ATP8A2: variants seen among roughly 807,000 people sequenced by gnomAD.
ATP8A2 encodes the protein phospholipid-transporting ATPase IB.
ATP8A2 carries 100 observed loss-of-function variants against 165.6 expected under a neutral mutation model. That is an observed-to-expected ratio of 0.60 (90% CI 0.51 to 0.71). The LOEUF is 0.71. ATP8A2 is among the 30% of genes least tolerant of loss of function. The pLI is 0.00. For missense variants in ATP8A2, 1,227 were observed against 1,479.5 expected (o/e 0.83, Z 2.80); for synonymous variants, 543 against 548.8 (o/e 0.99, Z 0.15).
chr13:25,885,291 T>G (rs1953110183), intron 33 of ATP8A2, among the ~76,000 whole-genome samples: 1 of 151,938 alleles, frequency 6.6e-6, no homozygotes, highest in African/African-American at 2.4e-5. Flanking sequence ...TTTTGTATCA[T>G]TAGTAGAGAT....
At chr13:25,464,225 A>C (rs2035575357) in intron 1 of ATP8A2, among the ~76,000 whole-genome samples, 1 of 152,142 alleles carries the variant, frequency 6.6e-6, no homozygotes, top group Admixed American at 6.5e-5. Flanking sequence ...CTACAGGTGA[A>C]TAGGAATTTG....
At chr13:25,481,001 T>C (rs1335097490) in intron 2 of ATP8A2, among the ~76,000 whole-genome samples, 4 of 151,994 alleles carry the variant, frequency 2.6e-5, no homozygotes, top group African/African-American at 4.8e-5. Context: ...CAAAAAAATA[T>C]GAAAACCAGT....
At position 25,434,509 on chromosome 13, in the gene ATP8A2, T is replaced by G. The variant is rs1245412956; in HGVS notation, c.77-34468T>G. ...GATTACAGGCGTGTGTCACTACACC[T>G]GGCTAATTTTTGTATTTTTAGTAGA... On this transcript the variant is annotated intron_variant, in intron 1 of 36. Transcript: ENST00000381655. 5.3e-5 allele frequency among the ~76,000 whole-genome samples: 8 copies of G among 151,970 alleles called. No individual in the cohort carries two copies. In the East Asian group the frequency reaches 1.6e-3, roughly 29 times the overall value.
chr13:25,799,760 G>C (rs1300866421), intron 27 of ATP8A2, among the ~76,000 whole-genome samples: 1 of 152,316 alleles, frequency 6.6e-6, no homozygotes, highest in Middle Eastern at 3.4e-3. Context: ...AGCATTTCAA[G>C]TGCTCTTGCT....
At chr13:25,583,207 C>A (rs1000509375) in intron 23 of ATP8A2, among the ~76,000 whole-genome samples, 1 of 152,154 alleles carries the variant, frequency 6.6e-6, no homozygotes, top group African/African-American at 2.4e-5. Flanking sequence ...TGCTATATTT[C>A]TGTATAAGTA....
At chr13:25,699,887 T>C (rs772358694) in intron 25 of ATP8A2, among the ~76,000 whole-genome samples, 4 of 148,054 alleles carry the variant, frequency 2.7e-5, no homozygotes, top group Non-Finnish European at 6.0e-5. Context: ...TTACATTCCA[T>C]TGGCTGCTGG....
chr13:25,676,217 G>C (rs1361199557), intron 24 of ATP8A2, among the ~76,000 whole-genome samples: 1 of 152,166 alleles, frequency 6.6e-6, no homozygotes, highest in Admixed American at 6.5e-5. Context: ...TTTCTGACTT[G>C]ACATCATAAG....
intron 13 of ATP8A2, among the ~76,000 whole-genome samples, chr13:25,558,503 A>G (rs1046335848): frequency 6.6e-6 from 1 of 152,204 alleles, no homozygotes; most frequent in African/African-American, 2.4e-5. Flanking sequence ...TCCCTCTTCT[A>G]TACAACAGTA....
At chr13:25,891,478 A>G in intron 33 of ATP8A2, among the ~76,000 whole-genome samples, 1 of 151,990 alleles carries the variant, frequency 6.6e-6, no homozygotes, top group Non-Finnish European at 1.5e-5. Flanking sequence ...ACCCACCATC[A>G]TGCCCGCCTG....
In ATP8A2 at chr13:25,935,437, G is replaced by A. The variant is rs568100829; in HGVS notation, c.3184-26138G>A. Among the ~76,000 whole-genome samples the A allele has an allele frequency of 3.3e-5, 5 of 152,084 alleles. No individual in the cohort carries two copies. In the East Asian group the frequency reaches 7.7e-4, roughly 23 times the overall value. ...CTGATACAAAGATTCATTTTTACTT[G>A]GTGTCAGTCCATTTGCATTGCTGTA... On this transcript the variant is annotated intron_variant, in intron 33 of 36. Coordinates refer to ENST00000381655, the MANE Select transcript of ATP8A2 (RefSeq NM_016529.6).
chr13:25,464,299 G>C (rs1397544918), intron 1 of ATP8A2, among the ~76,000 whole-genome samples: 1 of 151,948 alleles, frequency 6.6e-6, no homozygotes, highest in East Asian at 1.9e-4. Flanking sequence ...TCTGCATACT[G>C]CTTTACCACA....
chr13:25,450,240 C>T (rs1027438701), intron 1 of ATP8A2, among the ~76,000 whole-genome samples: 2 of 152,146 alleles, frequency 1.3e-5, no homozygotes, highest in Admixed American at 1.3e-4. Flanking sequence ...AACATTTAGG[C>T]TGATTCCATA....
At chr13:25,596,714 G>A (rs776629709) in intron 24 of ATP8A2, among the ~76,000 whole-genome samples, 2 of 152,152 alleles carry the variant, frequency 1.3e-5, no homozygotes, top group African/African-American at 2.4e-5. Context: ...TATGAATAAA[G>A]CTGCTGTAAG....
intron 1 of ATP8A2, among the ~76,000 whole-genome samples, chr13:25,428,181 C>G (rs1033833597): frequency 2.5e-5 from 3 of 121,090 alleles, no homozygotes; most frequent in Admixed American, 1.7e-4. Context: ...AAGACCCTGT[C>G]TCAAAAAAAA....
At chr13:25,920,007 C>T (rs755587322) in intron 33 of ATP8A2, among the ~76,000 whole-genome samples, 14 of 152,146 alleles carry the variant, frequency 9.2e-5, no homozygotes, top group East Asian at 1.9e-4. Flanking sequence ...AGGCTGGTCT[C>T]GAACTTCTGG....
intron 33 of ATP8A2, among the ~76,000 whole-genome samples, chr13:25,900,962 G>A (rs2138948678): frequency 6.6e-6 from 1 of 152,342 alleles, no homozygotes; most frequent in Admixed American, 6.5e-5. Flanking sequence ...TTTGGATCAA[G>A]ATGGAAGAAA....
chr13:25,787,580 G>C (rs544561132), intron 27 of ATP8A2, among the ~76,000 whole-genome samples: 1 of 152,208 alleles, frequency 6.6e-6, no homozygotes, highest in African/African-American at 2.4e-5. Context: ...TTAAAAAATG[G>C]GGATCAGTTT....
chr13:25,472,404 A>AT (rs370366162), intron 2 of ATP8A2, among the ~76,000 whole-genome samples: 129 of 149,974 alleles, frequency 8.6e-4, no homozygotes, highest in South Asian at 5.3e-3. Context: ...AAAAAAAAAA[A>AT]AAAAAAATTG....
At position 25,766,372 on chromosome 13, in the gene ATP8A2, G is replaced by T. The variant is rs189898706; in HGVS notation, c.2385-2674G>T. Reference sequence around the variant, plus strand: ...CTTAGCAGACATTTGAAACAATAATGTCATTGAAAGACATACATTGAAAGA... The same window carrying T: ...CTTAGCAGACATTTGAAACAATAATTTCATTGAAAGACATACATTGAAAGA... On this transcript the variant is annotated intron_variant, in intron 25 of 36. Coordinates refer to ENST00000381655, the MANE Select transcript of ATP8A2 (RefSeq NM_016529.6). Among the ~76,000 whole-genome samples the T allele has an allele frequency of 2.6e-5, 4 of 152,278 alleles. No homozygotes were observed. The East Asian group carries it at 7.7e-4, about 29-fold the overall frequency.
Sources: gnomAD v4.1 joint callset for allele counts (sites outside exome capture counted in the v4.1 genomes callset) on GRCh38, gnomAD v4.1.1 for gene constraint, MANE v1.5 for transcripts, NCBI Gene and HGNC (gene_info 2026-07-23, HGNC 2026-07-21) for gene names.